The following CHODL variants were observed in gnomAD, a reference collection of about 807,000 sequenced individuals.
The protein encoded by CHODL is chondrolectin.
CHODL carries 29 observed loss-of-function variants against 34.5 expected under a neutral mutation model. The observed-to-expected ratio is 0.84, with a 90% CI of 0.63 to 1.15. The LOEUF is 1.15. Ranked by LOEUF, CHODL falls within the 50% of genes most tolerant of loss-of-function variation. The pLI is 0.00. For synonymous variants in CHODL, 125 were observed against 116.1 expected, an observed-to-expected ratio of 1.08 and a Z score of -0.49; for missense variants, 332 against 332.5, an observed-to-expected ratio of 1.00 and a Z score of 0.01.
intron 2 of CHODL, among the ~76,000 whole-genome samples, chr21:18,235,904 C>G (rs2074024363): frequency 1.3e-5 from 2 of 152,046 alleles, no homozygotes; most frequent in African/African-American, 2.4e-5. Flanking sequence ...AGTTTTCTAC[C>G]TTAGCATCAT....
At chr21:18,040,036 C>T (rs1025912621) in intron 2 of CHODL, among the ~76,000 whole-genome samples, 1 of 151,806 alleles carries the variant, frequency 6.6e-6, no homozygotes, top group African/African-American at 2.4e-5. Flanking sequence ...AAGAATGTAA[C>T]TTCACTCAGA....
chr21:18,051,403 C>CT (rs555572070), intron 2 of CHODL, among the ~76,000 whole-genome samples: 1,525 of 138,534 alleles, frequency 0.011, 16 homozygotes, highest in East Asian at 0.039. Flanking sequence ...ACAGCTTTGT[C>CT]TTTTTTTTTT....
At chr21:18,187,345 C>T (rs1035258399) in intron 2 of CHODL, among the ~76,000 whole-genome samples, 4 of 152,128 alleles carry the variant, frequency 2.6e-5, no homozygotes, top group African/African-American at 9.7e-5. Flanking sequence ...TGTCCCATGT[C>T]AAGCCCACTC....
chr21:18,119,020 T>C (rs2065447024), intron 2 of CHODL, among the ~76,000 whole-genome samples: 1 of 152,196 alleles, frequency 6.6e-6, no homozygotes. Context: ...TCTTTCCTTT[T>C]ATATGATATA....
intron 2 of CHODL, among the ~76,000 whole-genome samples, chr21:18,104,756 T>C (rs1012858090): frequency 2.0e-5 from 3 of 152,236 alleles, no homozygotes; most frequent in Admixed American, 1.3e-4. Context: ...TACCAATTGC[T>C]CTTCCTAATG....
chr21:18,000,297 T>G (rs1300240457), intron 1 of CHODL, among the ~76,000 whole-genome samples: 1 of 151,650 alleles, frequency 6.6e-6, no homozygotes, highest in Non-Finnish European at 1.5e-5. Flanking sequence ...ACTACAAAGG[T>G]GAGATTCCCT....
chr21:18,159,918 A>G (rs2073076576), intron 2 of CHODL, among the ~76,000 whole-genome samples: 1 of 152,220 alleles, frequency 6.6e-6, no homozygotes, highest in African/African-American at 2.4e-5. Context: ...AAGGAACTGG[A>G]TTCTAAGAGT....
intron 2 of CHODL, among the ~76,000 whole-genome samples, chr21:18,129,132 TA>T (rs1442519583): frequency 6.6e-6 from 1 of 152,116 alleles, no homozygotes. Flanking sequence ...TAATTTCTAT[TA>T]AAAAGAGTTT....
chr21:18,040,607 G>A (rs1326286946), intron 2 of CHODL, among the ~76,000 whole-genome samples: 1 of 151,722 alleles, frequency 6.6e-6, no homozygotes, highest in Non-Finnish European at 1.5e-5. Flanking sequence ...GTAACAAAAA[G>A]CTTCTTAATG....
At chr21:18,162,462 T>C (rs2073107741) in intron 2 of CHODL, among the ~76,000 whole-genome samples, 2 of 151,958 alleles carry the variant, frequency 1.3e-5, no homozygotes, top group Admixed American at 6.6e-5. Context: ...TCTCTCTGTG[T>C]ATGTAAGTGT....
intron 2 of CHODL, among the ~76,000 whole-genome samples, chr21:18,054,318 AT>A (rs1447378906): frequency 1.3e-5 from 2 of 151,762 alleles, no homozygotes; most frequent in Admixed American, 6.6e-5. Context: ...TTCTACAAAC[AT>A]TTTTTTCTCC....
chr21:18,250,403 T>C (rs2074220983), intron 1 of CHODL, among the ~76,000 whole-genome samples: 1 of 151,940 alleles, frequency 6.6e-6, no homozygotes, highest in Non-Finnish European at 1.5e-5. Context: ...GCTGCCACCA[T>C]CCAGAAAATG....
intron 1 of CHODL, among the ~76,000 whole-genome samples, chr21:17,961,057 T>C (rs2063528473): frequency 6.6e-6 from 1 of 152,212 alleles, no homozygotes; most frequent in Non-Finnish European, 1.5e-5. Context: ...CGTGCCTTTG[T>C]CATCCCCTAT....
chr21:18,048,002 G>A (rs530082579), intron 2 of CHODL, among the ~76,000 whole-genome samples: 78 of 151,924 alleles, frequency 5.1e-4, no homozygotes, highest in Middle Eastern at 3.4e-3. Context: ...TCTACAGAAC[G>A]TTATACATTT....
At chr21:17,950,358 C>A (rs1357465808) in intron 1 of CHODL, among the ~76,000 whole-genome samples, 1 of 151,592 alleles carries the variant, frequency 6.6e-6, no homozygotes, top group Non-Finnish European at 1.5e-5. Context: ...TAAGACCAAA[C>A]TAGTAGTGCT....
chr21:17,926,896 T>C (rs1270656442), intron 1 of CHODL, among the ~76,000 whole-genome samples: 1 of 151,720 alleles, frequency 6.6e-6, no homozygotes, highest in Non-Finnish European at 1.5e-5. Context: ...GGATAAAGAG[T>C]GCATTAGTGG....
At position 18,256,392 on chromosome 21, in the gene CHODL, A is replaced by T. The variant is rs1433566545; in HGVS notation, c.80-117A>T. On this transcript the variant is annotated intron_variant, in intron 1 of 5. Coordinates refer to ENST00000299295, the MANE Select transcript of CHODL (RefSeq NM_024944.3). Reference sequence around the variant, plus strand: ...AAACTTTATGAAATAATTCAGTGGGAGAAGCATTTCTGGTAATGTATTTTC... The same window carrying T: ...AAACTTTATGAAATAATTCAGTGGGTGAAGCATTTCTGGTAATGTATTTTC... 1.3e-5 allele frequency: 13 copies of T among 983,992 alleles called. No individual in the cohort carries two copies. The East Asian group carries it at 3.4e-4, about 26-fold the overall frequency. The allele number at this position is 983,992 out of a possible 1,614,324, so 61.0% of individuals were successfully genotyped here. A position where few individuals can be genotyped will look rare whatever the true frequency, so the allele number is the denominator to read the frequency against.
At chr21:17,966,277 C>A (rs1432784781) in intron 1 of CHODL, among the ~76,000 whole-genome samples, 1 of 152,080 alleles carries the variant, frequency 6.6e-6, no homozygotes, top group African/African-American at 2.4e-5. Context: ...TTCTTTCTAA[C>A]AGATTGTGGA....
At chr21:18,028,885 T>A (rs532711348) in intron 2 of CHODL, among the ~76,000 whole-genome samples, 1 of 152,226 alleles carries the variant, frequency 6.6e-6, no homozygotes, top group Admixed American at 6.5e-5. Context: ...TCAGTTAAGG[T>A]AAATAATAGC....
Sources: allele counts gnomAD v4.1 joint callset (sites outside exome capture counted in the v4.1 genomes callset), GRCh38; gene constraint gnomAD v4.1.1; transcripts MANE v1.5; gene names NCBI Gene and HGNC (gene_info 2026-07-23, HGNC 2026-07-21).